The following PLS3 variants were observed in gnomAD, a reference collection of about 807,000 sequenced individuals.
The protein encoded by PLS3 is plastin-3.
PLS3 carries 11 observed loss-of-function variants against 46.5 expected under a neutral mutation model. The ratio of observed to expected loss-of-function variants is 0.24; its 90% CI spans 0.15 to 0.39. The LOEUF (loss-of-function observed/expected upper bound fraction) is 0.39. PLS3 is among the 10% of genes least tolerant of loss of function. The pLI is 1.00. For missense variants in PLS3, 308 were observed against 461.8 expected (o/e 0.67, Z 3.05); for synonymous variants, 167 against 162.2 (o/e 1.03, Z -0.22).
chrX:115,581,173 A>C (rs1002419616), intron 1 of PLS3, among the ~76,000 whole-genome samples: 3 of 112,171 alleles, frequency 2.7e-5, no homozygotes, highest in Non-Finnish European at 5.6e-5. Context: ...AAGACCAACC[A>C]TTAGATTTAT....
chrX:115,572,412 C>G (rs146279426), intron 1 of PLS3, among the ~76,000 whole-genome samples: 7 of 111,298 alleles, frequency 6.3e-5, no homozygotes, highest in African/African-American at 2.3e-4. Context: ...GAAAAATTCT[C>G]TAAGCAGAGA....
rs782734104 is a variant in PLS3, at chrX:115,566,617, T to TC, written c.-9+5359dup. On this transcript the variant is annotated intron_variant, in intron 1 of 15. Coordinates refer to ENST00000355899, the MANE Select transcript of PLS3 (RefSeq NM_005032.7). The stretch of plus-strand genomic sequence containing the variant: ...TGGTCTCGATCTCCTGACCTCGTGA[T>TC]CCGCCCGCCTCGGCCTCCCAAAGTG... 7.2e-5 allele frequency among the ~76,000 whole-genome samples: 8 copies of TC among 110,725 alleles called. No homozygotes were observed. The East Asian group carries it at 2.3e-3, about 32-fold the overall frequency.
chrX:115,602,419 G>A (rs1474874540), intron 1 of PLS3, among the ~76,000 whole-genome samples: 1 of 111,868 alleles, frequency 8.9e-6, no homozygotes, highest in Non-Finnish European at 1.9e-5. Context: ...AGTAATCATA[G>A]TATGAATAGG....
At chrX:115,603,389 A>G (rs782543580) in intron 1 of PLS3, among the ~76,000 whole-genome samples, 13 of 111,569 alleles carry the variant, frequency 1.2e-4, no homozygotes, top group Non-Finnish European at 2.4e-4. Flanking sequence ...TTTTTTCTAC[A>G]GCTTTCCCTT....
At chrX:115,583,159 C>T (rs2074288697) in intron 1 of PLS3, among the ~76,000 whole-genome samples, 1 of 112,553 alleles carries the variant, frequency 8.9e-6, no homozygotes, top group South Asian at 3.7e-4. Context: ...ATGAATTACA[C>T]CTGGCAAAGG....
intron 1 of PLS3, among the ~76,000 whole-genome samples, 170 bp downstream of exon 1, chrX:115,561,430 G>C (rs1228191740): frequency 9.0e-6 from 1 of 111,518 alleles, no homozygotes; most frequent in Non-Finnish European, 1.9e-5. Flanking sequence ...TGGAGCCCTC[G>C]GGCGCCCGGG....
At chrX:115,589,847 T>C (rs2074333429) in intron 1 of PLS3, among the ~76,000 whole-genome samples, 1 of 111,901 alleles carries the variant, frequency 8.9e-6, no homozygotes. Context: ...CACAAGTGCA[T>C]GTGTGTGAAC....
intron 1 of PLS3, among the ~76,000 whole-genome samples, chrX:115,573,093 CAAAAAAAA>C (rs1163578692): frequency 7.6e-4 from 23 of 30,256 alleles, no homozygotes; most frequent in Non-Finnish European, 1.2e-3. Flanking sequence ...GACTCCGTCT[CAAAAAAAA>C]AAAAAAAAAG....
chrX:115,636,899 A>C lies in PLS3; in HGVS notation c.812A>C (p.Glu271Ala). Residue 271 changes from glutamate (E) to alanine (A), a missense_variant, in exon 8 of 16, where the codon GAG (glutamate) becomes GCG (alanine). Around this residue, in one of 2 missense-constraint regions of PLS3, gnomAD observed 271 missense variants for 435.7 expected, o/e 0.62. Transcript: ENST00000355899. ...GAACTTATGAAATTGTCTCCAGAAG[A>C]GCTTCTGCTTAGATGGGCAAACTTT... ...LEELMKLSPE[E>A]LLLRWANFHL... is the part of the protein sequence containing the mutation. 8.3e-7 allele frequency: 1 copy of C among 1,207,598 alleles called. No homozygotes were observed.
chrX:115,643,280 C>T, intron 9 of PLS3, 33 bp from the exon 10 acceptor site: 11 of 1,010,935 alleles, frequency 1.1e-5, no homozygotes, highest in Non-Finnish European at 1.5e-5. Flanking sequence ...TTAGTGTGGC[C>T]TTTGACAAAG....
intron 1 of PLS3, among the ~76,000 whole-genome samples, chrX:115,562,097 G>A (rs1334790158): frequency 9.1e-6 from 1 of 110,354 alleles, no homozygotes; most frequent in African/African-American, 3.3e-5. Flanking sequence ...TGGAGAGGGA[G>A]AGGCAAAGGG....
At chrX:115,615,487 C>CAGAGAGAGAGAG (rs72382307) in intron 2 of PLS3, among the ~76,000 whole-genome samples, 29 of 73,763 alleles carry the variant, frequency 3.9e-4, no homozygotes, top group African/African-American at 7.8e-4. Flanking sequence ...CACGTGTCAT[C>CAGAGAGAGAGAG]AGAGAGAGAG....
chrX:115,571,174 T>C (rs2074213211), intron 1 of PLS3, among the ~76,000 whole-genome samples: 1 of 110,214 alleles, frequency 9.1e-6, no homozygotes, highest in Non-Finnish European at 1.9e-5. Flanking sequence ...ATTACAGGCG[T>C]GAGCCACTGA....
chrX:115,650,861 A>T lies in PLS3; in HGVS notation c.*1300A>T, dbSNP rs1293451256. On this transcript the variant is annotated 3_prime_UTR_variant, in exon 16 of 16. Transcript: ENST00000355899. ...AAAAGGTTTTCTCCAATTTACCAAA[A>T]TTTCTTTATCCAGTTCCTGCTTTTT... The T allele has an allele frequency of 1.8e-5, 2 of 111,765 alleles. No individual in the cohort carries two copies. Among genetic ancestry groups the T allele is most frequent in the African/African-American group, 3.2e-5 (1 of 30,805 alleles). The allele number at this position is 111,765 out of a possible 1,213,427, so 9.2% of individuals were successfully genotyped here.
chrX:115,632,615 T>C (rs1556639578), intron 5 of PLS3, among the ~76,000 whole-genome samples: 1 of 111,982 alleles, frequency 8.9e-6, no homozygotes, highest in Non-Finnish European at 1.9e-5. Context: ...GGCTCATTGT[T>C]GAGGCACTCG....
At chrX:115,597,017 C>T (rs2074396084) in intron 1 of PLS3, among the ~76,000 whole-genome samples, 3 of 106,738 alleles carry the variant, frequency 2.8e-5, no homozygotes, top group South Asian at 4.3e-4. Flanking sequence ...TGGTGGTGGG[C>T]GCCTGTAATC....
In PLS3 at chrX:115,633,126, T is replaced by C. The variant is rs1226512751; in HGVS notation, c.501-874T>C. On this transcript the variant is annotated intron_variant, in intron 5 of 15. Coordinates refer to ENST00000355899, the MANE Select transcript of PLS3 (RefSeq NM_005032.7). ...AATTGAAAGAGAAAGCATGCTACAA[T>C]CCTCTGCTCAGAGATACCCAACTAC... Among the ~76,000 whole-genome samples, 4 of 109,930 alleles carry C rather than the reference T, an allele frequency of 3.6e-5. No individual in the cohort carries two copies. The East Asian group carries it at 1.1e-3, about 31-fold the overall frequency.
At chrX:115,620,589 C>CCCCAGCCTCTACGCACTGTATGCCAGGTG (rs2074639065) in intron 2 of PLS3, among the ~76,000 whole-genome samples, 1 of 110,649 alleles carries the variant, frequency 9.0e-6, no homozygotes, top group Non-Finnish European at 1.9e-5. Flanking sequence ...TTAGAAGCAT[C>CCCCAGCCTCTACGCACTGTATGCCAGGTG]CCCAGCCTCT....
At chrX:115,641,516 C>G (rs1165810451) in intron 9 of PLS3, among the ~76,000 whole-genome samples, 2 of 110,828 alleles carry the variant, frequency 1.8e-5, no homozygotes, top group Non-Finnish European at 3.8e-5. Context: ...TGTGAGCCAC[C>G]GTGCCTTACG....
Sources: allele counts gnomAD v4.1 joint callset (sites outside exome capture counted in the v4.1 genomes callset), GRCh38; gene constraint gnomAD v4.1.1; regional missense constraint gnomAD v4.1.1; transcripts MANE v1.5; gene names NCBI Gene and HGNC (gene_info 2026-07-23, HGNC 2026-07-21).